Variants in IL5RA observed in about 807,000 individuals in gnomAD.
IL5RA encodes interleukin 5 receptor subunit alpha, also known as interleukin-5 receptor subunit alpha.
Under a neutral mutation model 50.0 loss-of-function variants are expected in IL5RA, and 49 were observed. The ratio of observed to expected loss-of-function variants is 0.98; its 90% CI spans 0.78 to 1.24. IL5RA has a LOEUF of 1.24. IL5RA is among the 50% of genes most tolerant of loss of function. IL5RA has a pLI of 0.00. For synonymous variants in IL5RA, 202 were observed against 174.0 expected, an observed-to-expected ratio of 1.16 and a Z score of -1.26; for missense variants, 600 against 500.4, an observed-to-expected ratio of 1.20 and a Z score of -1.90.
At chr3:3,083,496 G>A (rs1702740101) in intron 9 of IL5RA, among the ~76,000 whole-genome samples, 1 of 152,212 alleles carries the variant, frequency 6.6e-6, no homozygotes, top group African/African-American at 2.4e-5. Flanking sequence ...GCTCACTGCA[G>A]TACTGCTTGT....
chr3:3,076,831 T>C (rs571928782), intron 9 of IL5RA, among the ~76,000 whole-genome samples: 4 of 152,298 alleles, frequency 2.6e-5, no homozygotes, highest in Non-Finnish European at 5.9e-5. Flanking sequence ...AAAGTTGATA[T>C]AGGGTGAGAT....
At chr3:3,096,487 C>A (rs1703374308) in intron 7 of IL5RA, among the ~76,000 whole-genome samples, 2 of 151,992 alleles carry the variant, frequency 1.3e-5, no homozygotes, top group African/African-American at 4.8e-5. Context: ...GGAGTGGGAT[C>A]CACTGGCTTC....
chr3:3,093,979 A>G (rs1275441388), intron 8 of IL5RA, among the ~76,000 whole-genome samples: 1 of 152,184 alleles, frequency 6.6e-6, no homozygotes, highest in Admixed American at 6.5e-5. Flanking sequence ...TAATTACATC[A>G]TAGAATTATG....
rs778302332 is a variant in IL5RA at position 3,070,227 on chromosome 3, A to G, written c.1261T>C (p.Ter421ArgextTer133). 2 of 1,607,574 alleles carry G rather than the reference A, an allele frequency of 1.2e-6. No homozygotes were observed. Among genetic ancestry groups the G allele is most frequent in the Non-Finnish European group, 1.7e-6 (2 of 1,174,902 alleles). The change falls in exon 12 of 12, where the codon TGA becomes CGA. Residue 421 changes from the stop codon to arginine (R), a stop_lost. Transcript: ENST00000446632. ...ATCAGAGGATGCCAAAGTGACAGTC[A>G]AAACACAGAATCCTCCAGGGTCTCA... is the stretch of plus-strand genomic sequence containing the variant. ...GVETLEDSVF[*>R]
chr3:3,099,658 T>TTTATTATTATTATTATTATTA lies in IL5RA; in HGVS notation c.368-1389_368-1369dup, dbSNP rs10525244. ...AACAAAACCTTCAGATTTTATTTTA[T>TTTATTATTATTATTATTATTA]TTATTATTATTATTATTATTATTAT... On this transcript the variant is annotated intron_variant, in intron 5 of 11. Coordinates refer to ENST00000446632, the MANE Select transcript of IL5RA (RefSeq NM_175726.4). Among the ~76,000 whole-genome samples the TTTATTATTATTATTATTATTA allele has an allele frequency of 1.5e-3, 216 of 144,284 alleles. 1 individual carries two copies. The highest frequency in any genetic ancestry group is 5.2e-3 in the African/African-American group (205 of 39,140). The allele number at this position is 144,284 out of a possible 152,430, so 94.7% of individuals were successfully genotyped here.
chr3:3,075,847 G>T (rs181090125), intron 10 of IL5RA, among the ~76,000 whole-genome samples: 7 of 152,166 alleles, frequency 4.6e-5, no homozygotes, highest in Admixed American at 2.0e-4. Flanking sequence ...TGGTCCACCC[G>T]CTGTGGCCTC....
chr3:3,074,686 C>T (rs952201725), intron 11 of IL5RA, 96 bp downstream of exon 11: 1 of 673,146 alleles, frequency 1.5e-6, no homozygotes, highest in Admixed American at 2.8e-5. Flanking sequence ...AGTAAAAACC[C>T]TGCCTTATAA....
rs759925436 is a variant in IL5RA at position 3,092,391 on chromosome 3, AT to A, written c.856-30del. 3 of 1,604,290 alleles carry A rather than the reference AT, an allele frequency of 1.9e-6. No individual in the cohort carries two copies. In the Admixed American group the frequency reaches 5.0e-5, roughly 27 times the overall value. On this transcript the variant is annotated intron_variant, in intron 8 of 11. Transcript: ENST00000446632. This position sits in a 1 kb window ranked among gnomAD's most constrained non-coding sequence, Gnocchi z 4.2. ...AGTGGGGAAAGATAGCATTAGAAGA[AT>A]CTCTAGACACCTAATTTAGTTCTGC...
intron 9 of IL5RA, among the ~76,000 whole-genome samples, chr3:3,087,903 A>T (rs1366572584): frequency 1.3e-5 from 2 of 152,212 alleles, no homozygotes; most frequent in African/African-American, 4.8e-5. Flanking sequence ...CATCTTGATG[A>T]AAATGGAAAG....
chr3:3,109,352 CCT>C (rs1385794565), intron 1 of IL5RA, among the ~76,000 whole-genome samples: 4 of 152,112 alleles, frequency 2.6e-5, no homozygotes, highest in Non-Finnish European at 5.9e-5. Flanking sequence ...AGATAAAGTG[CCT>C]CTCTCTACTT....
chr3:3,071,097 T>C (rs1163856472), intron 11 of IL5RA, among the ~76,000 whole-genome samples: 2 of 152,192 alleles, frequency 1.3e-5, no homozygotes, highest in Non-Finnish European at 2.9e-5. Flanking sequence ...AAAAATAAAA[T>C]TGCCTGTAAG....
chr3:3,089,939 T>G, intron 9 of IL5RA: 1 of 322,390 alleles, frequency 3.1e-6, no homozygotes, highest in Non-Finnish European at 5.7e-6. Flanking sequence ...AAGACTTTAA[T>G]CTACCCAGCA....
intron 9 of IL5RA, among the ~76,000 whole-genome samples, chr3:3,086,292 G>A (rs755138890): frequency 2.0e-5 from 3 of 152,160 alleles, no homozygotes; most frequent in Non-Finnish European, 4.4e-5. Flanking sequence ...TGAGCTTCAT[G>A]GATGGCGGGA....
chr3:3,105,564 A>G (rs1315897392), intron 2 of IL5RA: 3 of 152,204 alleles, frequency 2.0e-5, no homozygotes, highest in Non-Finnish European at 4.4e-5. Context: ...TCACCAATCC[A>G]GAATCAACTT....
intron 9 of IL5RA, among the ~76,000 whole-genome samples, chr3:3,079,332 A>C (rs968728160): frequency 2.6e-5 from 4 of 152,146 alleles, no homozygotes; most frequent in African/African-American, 9.7e-5. Context: ...GTTCTTCTTC[A>C]TATAAAAACC....
chr3:3,087,391 G>A lies in IL5RA; in HGVS notation c.994+4833C>T, dbSNP rs116310827. 2.3e-3 allele frequency among the ~76,000 whole-genome samples: 346 copies of A among 152,242 alleles called. 3 individuals are homozygous for A. Among genetic ancestry groups the A allele is most frequent in the African/African-American group, 7.9e-3 (327 of 41,508 alleles). On this transcript the variant is annotated intron_variant, in intron 9 of 11. Coordinates refer to ENST00000446632, the MANE Select transcript of IL5RA (RefSeq NM_175726.4). Reference sequence around the variant, plus strand: ...GGGACCTTACCAACAGAGCTGGACAGCACCCCCAGCCTCTCCCAGCTCACC... The same window carrying A: ...GGGACCTTACCAACAGAGCTGGACAACACCCCCAGCCTCTCCCAGCTCACC...
chr3:3,103,998 C>T (rs1046139188), intron 3 of IL5RA, among the ~76,000 whole-genome samples: 11 of 152,170 alleles, frequency 7.2e-5, no homozygotes, highest in South Asian at 2.1e-4. Flanking sequence ...TTGTCCATTA[C>T]GGTAGCCACT....
chr3:3,090,562 T>G (rs1226222630), intron 9 of IL5RA, among the ~76,000 whole-genome samples: 2 of 139,516 alleles, frequency 1.4e-5, no homozygotes, highest in Non-Finnish European at 3.1e-5. Flanking sequence ...TTTTTTTTTC[T>G]TTTCTTTCTT....
rs189406535 is a variant in IL5RA, at chr3:3,098,302, A to G, written c.368-12T>C. The stretch of plus-strand genomic sequence containing the variant: ...GGTTCCAGGAGACCCTAGGTAGTCA[A>G]AAGTAAAAAGGACAAAACATTGCCA... On this transcript the variant is annotated splice_polypyrimidine_tract_variant and intron_variant, in intron 5 of 11. Coordinates refer to ENST00000446632, the MANE Select transcript of IL5RA (RefSeq NM_175726.4). 4 of 1,612,318 alleles carry G rather than the reference A, an allele frequency of 2.5e-6. No individual in the cohort carries two copies. The highest frequency in any genetic ancestry group is 1.7e-5 in the Admixed American group (1 of 59,952).
Sources: gnomAD v4.1 joint callset for allele counts (sites outside exome capture counted in the v4.1 genomes callset) on GRCh38, gnomAD v4.1.1 for gene constraint, Gnocchi (gnomAD v3.1) non-coding constraint, MANE v1.5 for transcripts, NCBI Gene and HGNC (gene_info 2026-07-23, HGNC 2026-07-21) for gene names.